Variants in PER3 observed in about 807,000 individuals in gnomAD.
PER3 encodes the protein period circadian protein homolog 3.
Under a neutral mutation model 127.2 loss-of-function variants are expected in PER3, and 107 were observed. The observed-to-expected ratio is 0.84, with a 90% CI of 0.72 to 0.99. The LOEUF (loss-of-function observed/expected upper bound fraction) is 0.99, where lower values mean the gene tolerates loss of function less well. PER3 is among the 50% of genes least tolerant of loss of function. The pLI is 0.00. For missense variants in PER3, 1,560 were observed against 1,525.8 expected (o/e 1.02, Z -0.37); for synonymous variants, 618 against 585.8 (o/e 1.05, Z -0.79).
At position 7,837,025 on chromosome 1, in the gene PER3, A is replaced by G; in HGVS notation, c.3425A>G (p.Asp1142Gly). The change falls in exon 21 of 22, where the codon GAC (aspartate) becomes GGC (glycine). Residue 1142 changes from aspartate to glycine, a missense_variant. Around this residue, in one of 3 missense-constraint regions of PER3, gnomAD observed 199 missense variants for 198.6 expected, o/e 1.00. Transcript: ENST00000377532. ...GTTAAAGAAGTTGTACTAAAAGAAG[A>G]CCTGGAAAAGCTAGAAAGTATGAGG... Reference protein sequence around the residue: ...ERVKEVVLKEDLEKLESMRQQ... With the variant: ...ERVKEVVLKEGLEKLESMRQQ... 6.2e-7 allele frequency: 1 copy of G among 1,613,836 alleles called. No homozygotes were observed. Among genetic ancestry groups the G allele is most frequent in the Non-Finnish European group, 8.5e-7 (1 of 1,179,854 alleles).
chr1:7,830,629 T>C lies in PER3; in HGVS notation c.3214+468T>C, dbSNP rs12736878. Reference sequence around the variant, plus strand: ...CGCTCAATAGCATTTATAGCTTAGATCTGTGATCCATTTTGAGTTTTGTGT... The same window carrying C: ...CGCTCAATAGCATTTATAGCTTAGACCTGTGATCCATTTTGAGTTTTGTGT... On this transcript the variant is annotated intron_variant, in intron 19 of 21. Transcript: ENST00000377532. Among the ~76,000 whole-genome samples, 970 of 152,352 alleles carry C rather than the reference T, an allele frequency of 6.4e-3. 2 individuals are homozygous for C. Among genetic ancestry groups the C allele is most frequent in the Middle Eastern group, 0.02 (6 of 294 alleles).
At chr1:7,792,712 T>C (rs2097127617) in intron 5 of PER3, among the ~76,000 whole-genome samples, 1 of 152,246 alleles carries the variant, frequency 6.6e-6, no homozygotes, top group Non-Finnish European at 1.5e-5. Context: ...CCTCTGGTCC[T>C]GTATTAGAAT....
At chr1:7,837,540 A>G (rs1457398698) in intron 21 of PER3, among the ~76,000 whole-genome samples, 1 of 152,226 alleles carries the variant, frequency 6.6e-6, no homozygotes, top group Non-Finnish European at 1.5e-5. Flanking sequence ...AAGATGTAAG[A>G]TTCACACCAG....
At chr1:7,810,237 T>A in intron 12 of PER3, 1 of 626,324 alleles carries the variant, frequency 1.6e-6, no homozygotes, top group Non-Finnish European at 2.8e-6. Flanking sequence ...TTCTAAAAAT[T>A]AGCATATTGT....
chr1:7,823,867 T>C (rs1292149048), intron 16 of PER3, among the ~76,000 whole-genome samples: 1 of 152,200 alleles, frequency 6.6e-6, no homozygotes, highest in African/African-American at 2.4e-5. Context: ...GTACACACAG[T>C]ATGTTCACTG....
chr1:7,805,797 C>G (rs1047053029), intron 10 of PER3, among the ~76,000 whole-genome samples: 1 of 152,084 alleles, frequency 6.6e-6, no homozygotes, highest in Non-Finnish European at 1.5e-5. Flanking sequence ...GTTAAAGATA[C>G]GGCCTGGATT....
chr1:7,820,403 T>A (rs2097270779), intron 15 of PER3, 64 bp from the exon 16 acceptor site: 26 of 1,499,236 alleles, frequency 1.7e-5, no homozygotes, highest in Non-Finnish European at 2.3e-5. Context: ...GTAAACTGGG[T>A]CTTTTATGTA....
chr1:7,827,815 T>G lies in PER3; in HGVS notation c.2886T>G (p.Tyr962Ter). 1 of 1,597,266 alleles carries G rather than the reference T, an allele frequency of 6.3e-7. No individual in the cohort carries two copies. Among genetic ancestry groups the G allele is most frequent in the Non-Finnish European group, 8.6e-7 (1 of 1,168,378 alleles). Residue 962 changes from tyrosine to a stop codon, truncating the protein, a stop_gained and splice_region_variant, in exon 18 of 22, where the codon TAT becomes TAG. Coordinates refer to ENST00000377532, the MANE Select transcript of PER3 (RefSeq NM_001377275.1). LOFTEE classifies it high-confidence loss of function. The stretch of plus-strand genomic sequence containing the variant: ...GGAACACGTGCCCACAAACTGAGTA[T>G]GTAAGTGATGCTCATTTTCAACACT... ...MRRNTCPQTE[Y>*]QCVTGNNGSE...
chr1:7,791,561 G>A (rs973893525), intron 5 of PER3, among the ~76,000 whole-genome samples: 3 of 152,210 alleles, frequency 2.0e-5, no homozygotes, highest in Non-Finnish European at 4.4e-5. Context: ...CCATTGTCTT[G>A]GTGATTAACA....
rs544498432 is a variant in PER3 at position 7,785,659 on chromosome 1, G to A, written c.274+73G>A. 3 of 1,291,698 alleles carry A rather than the reference G, an allele frequency of 2.3e-6. No individual in the cohort carries two copies. The African/African-American group carries it at 4.4e-5, about 19-fold the overall frequency. 80.0% of individuals were successfully genotyped at this position (1,291,698 alleles called of 1,614,324 possible). On this transcript the variant is annotated intron_variant, in intron 3 of 21. Coordinates refer to ENST00000377532, the MANE Select transcript of PER3 (RefSeq NM_001377275.1). ...ATACAAGCAGCCAGAGGAGTGGTCAGTGGGGTCTCAGTCAGACAAATAATT... is the reference window on the plus strand; with the variant it reads ...ATACAAGCAGCCAGAGGAGTGGTCAATGGGGTCTCAGTCAGACAAATAATT...
rs1323798020 is a variant in PER3, at chr1:7,786,746, C to T, written c.300C>T (p.Leu100=). The T allele has an allele frequency of 1.9e-6, 3 of 1,608,044 alleles. No homozygotes were observed. The highest frequency in any genetic ancestry group is 2.6e-6 in the Non-Finnish European group (3 of 1,174,440). The change falls in exon 4 of 22, where the codon CTC becomes CTT. Residue 100 remains leucine, a synonymous_variant. Coordinates refer to ENST00000377532, the MANE Select transcript of PER3 (RefSeq NM_001377275.1). ...CAAACAGTGAGTTTTTCCAGATTCT[C>T]AGTCAGAATGGAGCACCTCAGGCAG... ...VQANSEFFQI[L]SQNGAPQADV...
rs934333669 is a variant in PER3 at position 7,843,832 on chromosome 1, T to C, written c.*1077T>C. On this transcript the variant is annotated 3_prime_UTR_variant, in exon 22 of 22. Coordinates refer to ENST00000377532, the MANE Select transcript of PER3 (RefSeq NM_001377275.1). ...CACCGCTTTCTATGGCGTTTGTAGT[T>C]GTGTCTTTTAAGAAGTGAGTGTGAT... is the stretch of plus-strand genomic sequence containing the variant. 11 of 986,770 alleles carry C rather than the reference T, an allele frequency of 1.1e-5. No individual in the cohort carries two copies. Among genetic ancestry groups the C allele is most frequent in the Non-Finnish European group, 1.4e-5 (11 of 759,550 alleles). 61.1% of individuals were successfully genotyped at this position (986,770 alleles called of 1,614,324 possible). A position where few individuals can be genotyped will look rare whatever the true frequency, so the allele number is the denominator to read the frequency against.
chr1:7,806,810 A>ATAT (rs60458932), intron 10 of PER3, among the ~76,000 whole-genome samples: 4,434 of 74,168 alleles, frequency 0.06, 101 homozygotes, highest in East Asian at 0.079. Context: ...AAAAAAAAAA[A>ATAT]AAATATATAT....
At chr1:7,785,177 C>T (rs1378150756) in intron 2 of PER3, among the ~76,000 whole-genome samples, 172 bp downstream of exon 2, 4 of 152,098 alleles carry the variant, frequency 2.6e-5, no homozygotes, top group Non-Finnish European at 5.9e-5. Flanking sequence ...AGAAAATTAC[C>T]GAAGAGTATC....
At position 7,793,994 on chromosome 1, in the gene PER3, T is replaced by C. The variant is rs1388121732; in HGVS notation, c.630T>C (p.Phe210=). The C allele has an allele frequency of 1.2e-6, 2 of 1,613,994 alleles. No homozygotes were observed. Among genetic ancestry groups the C allele is most frequent in the East Asian group, 2.2e-5 (1 of 44,886 alleles). ...ATGAATGTGCTCCGGTGAAACCTTT[T>C]TTCTGCAGGATCCGGTAAGTATAGT... ...ARYECAPVKP[F]FCRIRGGEDR... is the part of the protein sequence containing the mutation. Residue 210 remains phenylalanine, a synonymous_variant, in exon 6 of 22, where the codon TTT becomes TTC. Transcript: ENST00000377532.
intron 21 of PER3, among the ~76,000 whole-genome samples, chr1:7,841,923 A>G (rs916838037): frequency 6.6e-6 from 1 of 152,194 alleles, no homozygotes; most frequent in Non-Finnish European, 1.5e-5. Flanking sequence ...CAAGCGTCCT[A>G]GAGTGTACTC....
At position 7,826,614 on chromosome 1, in the gene PER3, T is replaced by C. The variant is rs752099108; in HGVS notation, c.2092T>C (p.Tyr698His). The change falls in exon 17 of 22, where the codon TAT (tyrosine) becomes CAT (histidine). Residue 698 changes from tyrosine to histidine, a missense_variant. Tyr to His is a moderately conservative substitution (Grantham distance 83). Transcript: ENST00000377532. The surrounding 1 kb of genome is among the most constrained non-coding windows in gnomAD (Gnocchi z 4.2). ...GCACACCCAGAAGGAAGAGCAGAATTATGTTGATAAATTCCGAGAAAAGAT... is the reference window on the plus strand; with the variant it reads ...GCACACCCAGAAGGAAGAGCAGAATCATGTTGATAAATTCCGAGAAAAGAT... ...SAHTQKEEQN[Y>H]VDKFREKILS... The C allele has an allele frequency of 6.2e-7, 1 of 1,613,646 alleles. No homozygotes were observed. Among genetic ancestry groups the C allele is most frequent in the Non-Finnish European group, 8.5e-7 (1 of 1,179,566 alleles).
chr1:7,817,153 T>C (rs907187333), intron 13 of PER3, among the ~76,000 whole-genome samples: 5 of 152,148 alleles, frequency 3.3e-5, no homozygotes, highest in Non-Finnish European at 7.4e-5. Flanking sequence ...TATGATTGGG[T>C]AGAGAAGGAG....
intron 18 of PER3, among the ~76,000 whole-genome samples, chr1:7,828,445 G>A (rs2097313344): frequency 6.6e-6 from 1 of 152,138 alleles, no homozygotes; most frequent in Non-Finnish European, 1.5e-5. Flanking sequence ...GGAATCTGAC[G>A]TTCCTATATT....
Sources: allele counts gnomAD v4.1 joint callset (sites outside exome capture counted in the v4.1 genomes callset), GRCh38; gene constraint gnomAD v4.1.1; regional missense constraint gnomAD v4.1.1; non-coding constraint Gnocchi (gnomAD v3.1); transcripts MANE v1.5; gene names NCBI Gene and HGNC (gene_info 2026-07-23, HGNC 2026-07-21).